Variants in CECR2 observed in about 807,000 individuals in gnomAD.
CECR2 encodes CECR2 histone acetyl-lysine reader.
Under a neutral mutation model 154.5 loss-of-function variants are expected in CECR2, and 30 were observed. That is an observed-to-expected ratio of 0.19 (90% CI 0.15 to 0.26). The LOEUF is 0.26. Among genes scored for constraint, CECR2 ranks in the 10% least tolerant of loss-of-function variants. CECR2 has a pLI of 1.00. For missense variants in CECR2, 1,743 were observed against 1,829.3 expected (o/e 0.95, Z 0.86); for synonymous variants, 725 against 683.7 (o/e 1.06, Z -0.94).
At chr22:17,368,122 A>C (rs56006541), upstream of CECR2, among the ~76,000 whole-genome samples, 2,061 of 152,150 alleles carry the variant, frequency 0.014, 50 homozygotes, top group African/African-American at 0.047. Flanking sequence ...AACCATTTAA[A>C]ATTATGTTTC....
chr22:17,431,574 C>G (rs1211271425), intron 1 of CECR2, among the ~76,000 whole-genome samples: 2 of 152,022 alleles, frequency 1.3e-5, no homozygotes, highest in East Asian at 3.9e-4. Context: ...ACCAGCAGTT[C>G]CTTGCTTTTA....
At chr22:17,541,681 C>T (rs1463009704) in intron 14 of CECR2, among the ~76,000 whole-genome samples, 158 bp from the exon 15 acceptor site, 3 of 152,150 alleles carry the variant, frequency 2.0e-5, no homozygotes, top group Admixed American at 6.5e-5. Flanking sequence ...AGCCCTGATG[C>T]GGGTGAGCAC....
chr22:17,397,893 T>C (rs2053836729), intron 1 of CECR2, among the ~76,000 whole-genome samples: 1 of 152,182 alleles, frequency 6.6e-6, no homozygotes, highest in African/African-American at 2.4e-5. Flanking sequence ...TAGTATTGTT[T>C]GGAACATTAG....
At chr22:17,423,945 T>G (rs988624881) in intron 1 of CECR2, among the ~76,000 whole-genome samples, 3 of 152,226 alleles carry the variant, frequency 2.0e-5, no homozygotes, top group African/African-American at 7.2e-5. Flanking sequence ...TTTTAAAGCC[T>G]CAATATGCAT....
intron 3 of CECR2, 92 bp downstream of exon 3, chr22:17,497,678 G>A: frequency 1.5e-6 from 2 of 1,305,114 alleles, no homozygotes; most frequent in Non-Finnish European, 2.2e-6. Context: ...TACTAAGCCA[G>A]AGTTTGGCTT....
Position 17,557,739 on chromosome 22 carries a change from T to C in CECR2, c.*4899T>C, listed in dbSNP as rs567828241. The C allele has an allele frequency of 6.6e-6, 1 of 152,382 alleles. No individual in the cohort carries two copies. The highest frequency in any genetic ancestry group is 2.1e-4 in the South Asian group (1 of 4,828). The allele number at this position is 152,382 out of a possible 1,614,324, so 9.4% of individuals were successfully genotyped here. A position where few individuals can be genotyped will look rare whatever the true frequency, so the allele number is the denominator to read the frequency against. On this transcript the variant is annotated 3_prime_UTR_variant, in exon 19 of 19. Transcript: ENST00000262608. ...ATGCTGACCCCCGTTCAGGAAACCA[T>C]GCAGCCCCTTCCCTTCCCTTCCCTT...
chr22:17,443,921 G>A (rs5747146), intron 1 of CECR2, among the ~76,000 whole-genome samples: 7,316 of 152,096 alleles, frequency 0.048, 410 homozygotes, highest in East Asian at 0.24. Flanking sequence ...TAATTTAGCC[G>A]TACCGTAAAC....
chr22:17,510,745 GCA>G (rs2055931174), intron 7 of CECR2, among the ~76,000 whole-genome samples: 2 of 152,134 alleles, frequency 1.3e-5, no homozygotes, highest in Non-Finnish European at 2.9e-5. Flanking sequence ...GGGACTACAG[GCA>G]CGCACCACCA....
intron 7 of CECR2, 28 bp downstream of exon 7, chr22:17,505,044 C>T (rs764696577): frequency 1.7e-5 from 28 of 1,606,814 alleles, no homozygotes; most frequent in Non-Finnish European, 2.4e-5. Flanking sequence ...CTCTGTCCTC[C>T]TCAGTGTTAG....
intron 1 of CECR2, among the ~76,000 whole-genome samples, chr22:17,429,987 G>A (rs555507712): frequency 1.3e-5 from 2 of 152,296 alleles, no homozygotes; most frequent in South Asian, 2.1e-4. Flanking sequence ...ATGCATAGAG[G>A]TTAAACCAGT....
At chr22:17,392,598 G>A (rs2063337252) in intron 1 of CECR2, among the ~76,000 whole-genome samples, 1 of 151,942 alleles carries the variant, frequency 6.6e-6, no homozygotes, top group African/African-American at 2.4e-5. Flanking sequence ...GGTGGAAGTT[G>A]TTGAGTCAGG....
intron 1 of CECR2, among the ~76,000 whole-genome samples, chr22:17,390,518 A>G (rs2063315094): frequency 6.6e-6 from 1 of 152,272 alleles, no homozygotes; most frequent in East Asian, 1.9e-4. Context: ...TTAACCCGTT[A>G]GGAATTGCCT....
At chr22:17,477,022 G>C (rs1049076120) in intron 1 of CECR2, 2 of 683,806 alleles carry the variant, frequency 2.9e-6, no homozygotes, top group Admixed American at 4.3e-5. Flanking sequence ...GATTAGCCTT[G>C]GATCTCGCAA....
intron 1 of CECR2, among the ~76,000 whole-genome samples, chr22:17,427,232 T>C (rs540469600): frequency 6.6e-6 from 1 of 152,332 alleles, no homozygotes; most frequent in East Asian, 1.9e-4. Flanking sequence ...ATAGTGTATA[T>C]GTGCCACATT....
At chr22:17,477,295 T>C (rs1227289078) in intron 1 of CECR2, 1 of 608,490 alleles carries the variant, frequency 1.6e-6, no homozygotes, top group Non-Finnish European at 2.9e-6. Context: ...TCTTTAATTA[T>C]GCAGCTAGCA....
At chr22:17,413,168 C>T (rs1235910306) in intron 1 of CECR2, among the ~76,000 whole-genome samples, 1 of 152,060 alleles carries the variant, frequency 6.6e-6, no homozygotes, top group African/African-American at 2.4e-5. Context: ...GAATGGACCT[C>T]CCATAAGGGA....
intron 3 of CECR2, 85 bp from the exon 4 acceptor site, chr22:17,499,323 CGT>C: frequency 1.4e-6 from 2 of 1,473,222 alleles, no homozygotes; most frequent in Non-Finnish European, 1.8e-6. Flanking sequence ...GTTATGCTTA[CGT>C]GTAAATTTGG....
In CECR2 at chr22:17,499,388, C is replaced by G. The variant is rs771185505; in HGVS notation, c.406-22C>G. The G allele has an allele frequency of 1.7e-5, 27 of 1,596,154 alleles. No individual in the cohort carries two copies. The South Asian group carries it at 2.1e-4, about 12-fold the overall frequency. ...CGTTTTGTTCCCCATTTCCCCAAAC[C>G]CCTTTTCCGTGCTCTGTGTAGGGCC... is the stretch of plus-strand genomic sequence containing the variant. On this transcript the variant is annotated intron_variant, in intron 3 of 18. Coordinates refer to ENST00000262608, the MANE Select transcript of CECR2 (RefSeq NM_001290047.2).
chr22:17,394,324 T>C (rs1327545690), intron 1 of CECR2, among the ~76,000 whole-genome samples: 1 of 147,666 alleles, frequency 6.8e-6, no homozygotes, highest in African/African-American at 2.5e-5. Context: ...CACCTCAGCC[T>C]CCTGAGTGGG....
Sources: allele counts gnomAD v4.1 joint callset (sites outside exome capture counted in the v4.1 genomes callset), GRCh38; gene constraint gnomAD v4.1.1; transcripts MANE v1.5; gene names NCBI Gene and HGNC (gene_info 2026-07-23, HGNC 2026-07-21).